DLGAP2: variants seen among roughly 807,000 people sequenced by gnomAD.
DLGAP2 encodes disks large-associated protein 2.
A neutral mutation model predicts 100.3 loss-of-function variants in DLGAP2; 26 were observed. That is an observed-to-expected ratio of 0.26 (90% CI 0.19 to 0.36). DLGAP2 has a LOEUF of 0.36. Ranked by LOEUF, DLGAP2 falls within the 10% of genes least tolerant of loss-of-function variation. The pLI is 1.00. For synonymous variants in DLGAP2, 886 were observed against 630.1 expected (o/e 1.41, Z -6.08); for missense variants, 1,858 against 1,453.2 (o/e 1.28, Z -4.53).
At chr8:1,505,986 AT>A (rs1392052711) in intron 4 of DLGAP2, among the ~76,000 whole-genome samples, 1 of 152,232 alleles carries the variant, frequency 6.6e-6, no homozygotes, top group African/African-American at 2.4e-5. Flanking sequence ...CACATATTAT[AT>A]ATGCAGCACA....
chr8:777,669 A>T (rs1821562752), intron 1 of DLGAP2, among the ~76,000 whole-genome samples: 1 of 152,046 alleles, frequency 6.6e-6, no homozygotes, highest in Non-Finnish European at 1.5e-5. Context: ...GAGAATGTTG[A>T]ATATTGGCCC....
At chr8:962,902 G>C (rs1013453195) in intron 2 of DLGAP2, among the ~76,000 whole-genome samples, 1 of 152,186 alleles carries the variant, frequency 6.6e-6, no homozygotes, top group African/African-American at 2.4e-5. Flanking sequence ...TTGTGACCGT[G>C]CCTCCCTCCA....
chr8:1,506,186 A>C (rs1445787937), intron 4 of DLGAP2, among the ~76,000 whole-genome samples: 2 of 152,088 alleles, frequency 1.3e-5, no homozygotes, highest in East Asian at 3.8e-4. Flanking sequence ...GTTAATACAT[A>C]TCTTGTCTCA....
chr8:1,127,727 T>G (rs993567562), intron 2 of DLGAP2, among the ~76,000 whole-genome samples: 1 of 152,182 alleles, frequency 6.6e-6, no homozygotes, highest in African/African-American at 2.4e-5. Context: ...AACTGCAGCT[T>G]TCAAGAAAAC....
chr8:1,004,754 G>A (rs930938585), intron 2 of DLGAP2, among the ~76,000 whole-genome samples: 4 of 152,196 alleles, frequency 2.6e-5, no homozygotes, highest in East Asian at 1.9e-4. Context: ...CCAGTAGGTC[G>A]AGCCCTGTCT....
intron 2 of DLGAP2, among the ~76,000 whole-genome samples, chr8:1,001,868 G>C (rs1800967490): frequency 6.6e-6 from 1 of 152,190 alleles, no homozygotes; most frequent in Middle Eastern, 3.2e-3. Flanking sequence ...GGATAATGCT[G>C]CTGATGCTTT....
intron 2 of DLGAP2, chr8:1,003,417 GT>G (rs1172785721): frequency 6.6e-6 from 1 of 152,232 alleles, no homozygotes; most frequent in Non-Finnish European, 1.5e-5. Flanking sequence ...ATGTGTCTTT[GT>G]CACAGGTCAC....
intron 2 of DLGAP2, among the ~76,000 whole-genome samples, chr8:1,253,827 T>C (rs2116887483): frequency 6.6e-6 from 1 of 152,356 alleles, no homozygotes; most frequent in South Asian, 2.1e-4. Flanking sequence ...TCTTTTTTAA[T>C]GGGTGTTCCT....
intron 7 of DLGAP2, among the ~76,000 whole-genome samples, chr8:1,632,118 A>T (rs1797662304): frequency 6.7e-6 from 1 of 149,672 alleles, no homozygotes; most frequent in African/African-American, 2.5e-5. Context: ...GGGAGGGAGG[A>T]TGGGAGGGAG....
rs893845180 is a variant in DLGAP2, at chr8:946,480, G to A, written c.73+38514G>A. On this transcript the variant is annotated intron_variant, in intron 2 of 14. Transcript: ENST00000637795. Reference sequence around the variant, plus strand: ...GGGTTTCACCATATTAGCCAGGATGGTCTCGATCTCCTGACCTTGTGATCT... The same window carrying A: ...GGGTTTCACCATATTAGCCAGGATGATCTCGATCTCCTGACCTTGTGATCT... 9.9e-5 allele frequency among the ~76,000 whole-genome samples: 15 copies of A among 151,896 alleles called. No homozygotes were observed. The South Asian group carries it at 2.1e-3, about 21-fold the overall frequency.
Position 975,036 on chromosome 8 carries a change from C to T in DLGAP2, c.73+67070C>T, listed in dbSNP as rs112792497. On this transcript the variant is annotated intron_variant, in intron 2 of 14. Coordinates refer to ENST00000637795, the MANE Select transcript of DLGAP2 (RefSeq NM_001346810.2). The stretch of plus-strand genomic sequence containing the variant: ...AAAAGGGAGAGAAGATCCAAATTAC[C>T]GAAATCAGAAATGAAAGAAGGGCCA... Among the ~76,000 whole-genome samples, 1,520 of 152,104 alleles carry T rather than the reference C, an allele frequency of 1.0e-2. 28 individuals are homozygous for T. Among genetic ancestry groups the T allele is most frequent in the African/African-American group, 0.034 (1,431 of 41,512 alleles).
At chr8:1,010,174 G>C (rs571397769) in intron 2 of DLGAP2, among the ~76,000 whole-genome samples, 1 of 152,124 alleles carries the variant, frequency 6.6e-6, no homozygotes, top group East Asian at 1.9e-4. Context: ...TGCACACACA[G>C]ACACATGCAC....
Position 1,279,203 on chromosome 8 carries a change from A to G in DLGAP2, c.106+20320A>G, listed in dbSNP as rs552538597. ...TAAGTTAGGAAGTTCTTAACCTCAA[A>G]AGCCCTTTGTAAGAACAGCGCTAAA... is the stretch of plus-strand genomic sequence containing the variant. On this transcript the variant is annotated intron_variant, in intron 3 of 14. Transcript: ENST00000637795. Among the ~76,000 whole-genome samples, 108 of 152,306 alleles carry G rather than the reference A, an allele frequency of 7.1e-4. No individual in the cohort carries two copies. In the Middle Eastern group the frequency reaches 0.017, roughly 24 times the overall value.
chr8:1,675,756 C>T (rs917719877), intron 10 of DLGAP2, among the ~76,000 whole-genome samples: 2 of 152,020 alleles, frequency 1.3e-5, no homozygotes, highest in African/African-American at 4.8e-5. Flanking sequence ...AGAGGAATGA[C>T]TGAGTGCCTG....
At chr8:1,499,037 G>C (rs1255927970) in intron 3 of DLGAP2, among the ~76,000 whole-genome samples, 1 of 152,194 alleles carries the variant, frequency 6.6e-6, no homozygotes, top group Non-Finnish European at 1.5e-5. Context: ...AAACAGCAAG[G>C]GCGGGTGGGA....
chr8:1,303,867 C>A (rs983509714), intron 3 of DLGAP2, among the ~76,000 whole-genome samples: 1 of 152,186 alleles, frequency 6.6e-6, no homozygotes, highest in Non-Finnish European at 1.5e-5. Context: ...GATGGCCTGC[C>A]TCTGGCCAGA....
chr8:1,178,738 G>T (rs138662809), intron 2 of DLGAP2, among the ~76,000 whole-genome samples: 1 of 152,184 alleles, frequency 6.6e-6, no homozygotes, highest in African/African-American at 2.4e-5. Context: ...CTTCCCCTTT[G>T]GCTCAGAGAC....
At chr8:1,411,926 T>C (rs1308633362) in intron 3 of DLGAP2, among the ~76,000 whole-genome samples, 1 of 152,158 alleles carries the variant, frequency 6.6e-6, no homozygotes, top group Non-Finnish European at 1.5e-5. Flanking sequence ...GGGTGGATGC[T>C]TCCACGCCAG....
intron 2 of DLGAP2, among the ~76,000 whole-genome samples, chr8:1,080,081 C>T (rs1024861471): frequency 2.6e-5 from 4 of 152,224 alleles, no homozygotes; most frequent in Non-Finnish European, 4.4e-5. Flanking sequence ...GGGCCTGGCA[C>T]GGGCCTGCTT....
Sources: allele counts gnomAD v4.1 joint callset (sites outside exome capture counted in the v4.1 genomes callset), GRCh38; gene constraint gnomAD v4.1.1; transcripts MANE v1.5; gene names NCBI Gene and HGNC (gene_info 2026-07-23, HGNC 2026-07-21).